The following SLC25A21 variants were observed in gnomAD, a reference collection of about 807,000 sequenced individuals.
SLC25A21 encodes the protein solute carrier family 25 member 21, also known as mitochondrial 2-oxodicarboxylate carrier.
In SLC25A21, 47 loss-of-function variants were observed where a neutral mutation model predicts 43.8. That is an observed-to-expected ratio of 1.07 (90% CI 0.85 to 1.37). The LOEUF (loss-of-function observed/expected upper bound fraction) is 1.37, where lower values mean the gene tolerates loss of function less well. Ranked by LOEUF, SLC25A21 falls within the 40% of genes most tolerant of loss-of-function variation. SLC25A21 has a pLI of 0.00. For synonymous variants in SLC25A21, 131 were observed against 121.3 expected (o/e 1.08, Z -0.52); for missense variants, 352 against 350.2 (o/e 1.00, Z -0.04).
intron 3 of SLC25A21, among the ~76,000 whole-genome samples, chr14:36,756,502 G>A (rs1038957223): frequency 6.6e-6 from 1 of 152,224 alleles, no homozygotes; most frequent in Admixed American, 6.5e-5. Context: ...CTGTGGGAGA[G>A]GGTCTCACTC....
At chr14:37,078,434 C>T (rs186950392) in intron 1 of SLC25A21, among the ~76,000 whole-genome samples, 2 of 152,204 alleles carry the variant, frequency 1.3e-5, no homozygotes, top group Admixed American at 6.5e-5. Flanking sequence ...AGGTCCACCA[C>T]ATGGTGGACC....
intron 2 of SLC25A21, among the ~76,000 whole-genome samples, chr14:36,865,592 A>G (rs958946641): frequency 6.6e-6 from 1 of 151,882 alleles, no homozygotes. Context: ...AAGGTTCAAC[A>G]CTTAAGAAAA....
At chr14:36,929,107 T>C (rs1189720681) in intron 1 of SLC25A21, among the ~76,000 whole-genome samples, 2 of 152,158 alleles carry the variant, frequency 1.3e-5, no homozygotes, top group African/African-American at 4.8e-5. Context: ...ACTAGTAATT[T>C]CATAACTAAT....
intron 3 of SLC25A21, among the ~76,000 whole-genome samples, chr14:36,789,974 TA>T (rs1887424500): frequency 7.6e-6 from 1 of 132,166 alleles, no homozygotes; most frequent in African/African-American, 2.9e-5. Flanking sequence ...ATGTATATAT[TA>T]AAAATATATA....
intron 1 of SLC25A21, among the ~76,000 whole-genome samples, chr14:36,891,024 T>C (rs1311286506): frequency 1.3e-5 from 2 of 152,212 alleles, no homozygotes; most frequent in Non-Finnish European, 2.9e-5. Flanking sequence ...TAATCGACAG[T>C]ATTAAGTCCT....
chr14:36,851,916 A>C (rs1461146541), intron 2 of SLC25A21, among the ~76,000 whole-genome samples: 1 of 152,162 alleles, frequency 6.6e-6, no homozygotes, highest in Non-Finnish European at 1.5e-5. Flanking sequence ...AGCTACTTTA[A>C]GGAGGTTTTT....
intron 1 of SLC25A21, among the ~76,000 whole-genome samples, chr14:37,120,173 C>G (rs974999344): frequency 3.9e-5 from 6 of 152,068 alleles, no homozygotes; most frequent in Admixed American, 6.6e-5. Flanking sequence ...TGAAATCAGG[C>G]TCAGGAGAAG....
At chr14:37,150,999 AATATTAGCAC>A (rs2138934019) in intron 1 of SLC25A21, among the ~76,000 whole-genome samples, 1 of 152,162 alleles carries the variant, frequency 6.6e-6, no homozygotes, top group East Asian at 1.9e-4. Context: ...CTTTTCAAGA[AATATTAGCAC>A]ATTGGTAGGT....
chr14:36,731,163 C>T (rs1339298153), intron 4 of SLC25A21, among the ~76,000 whole-genome samples: 1 of 152,126 alleles, frequency 6.6e-6, no homozygotes, highest in Admixed American at 6.5e-5. Flanking sequence ...TTAGTAGAGA[C>T]GGGGTTTCCC....
intron 1 of SLC25A21, among the ~76,000 whole-genome samples, chr14:36,917,205 C>T (rs2138619311): frequency 6.6e-6 from 1 of 152,196 alleles, no homozygotes; most frequent in African/African-American, 2.4e-5. Flanking sequence ...CAAACACTTA[C>T]CCATAGAAGA....
At chr14:36,713,496 T>C (rs1217993439) in intron 6 of SLC25A21, among the ~76,000 whole-genome samples, 1 of 152,220 alleles carries the variant, frequency 6.6e-6, no homozygotes, top group Non-Finnish European at 1.5e-5. Context: ...AAGTGCTTTG[T>C]TGAGTTCGGA....
Position 36,921,021 on chromosome 14 carries a change from T to G in SLC25A21, c.71-46017A>C, listed in dbSNP as rs1019510554. ...TACACTGATAACTATTGATTCATGA[T>G]TTACAATCAATCATATGGGAGGGTG... On this transcript the variant is annotated intron_variant, in intron 1 of 9. Coordinates refer to ENST00000331299, the MANE Select transcript of SLC25A21 (RefSeq NM_030631.4). Among the ~76,000 whole-genome samples, 3 of 152,154 alleles carry G rather than the reference T, an allele frequency of 2.0e-5. No individual in the cohort carries two copies. In the East Asian group the frequency reaches 5.8e-4, roughly 29 times the overall value.
chr14:37,111,452 G>C (rs1404492906), intron 1 of SLC25A21, among the ~76,000 whole-genome samples: 1 of 152,128 alleles, frequency 6.6e-6, no homozygotes, highest in African/African-American at 2.4e-5. Flanking sequence ...GAAAAATAAA[G>C]GGGGAAGGAA....
Position 36,680,592 on chromosome 14 carries a change from CTCT to C in SLC25A21, c.*63_*65del, listed in dbSNP as rs1882194820. ...TATACACCTGGCCGATCGATAGTCT[CTCT>C]TCTTCATGGTGCTGCATAGCAAATA... On this transcript the variant is annotated 3_prime_UTR_variant, in exon 10 of 10. Coordinates refer to ENST00000331299, the MANE Select transcript of SLC25A21 (RefSeq NM_030631.4). 4 of 1,562,658 alleles carry C rather than the reference CTCT, an allele frequency of 2.6e-6. No individual in the cohort carries two copies. Among genetic ancestry groups the C allele is most frequent in the Non-Finnish European group, 3.5e-6 (4 of 1,154,736 alleles).
At chr14:36,800,504 T>C (rs559142922) in intron 3 of SLC25A21, among the ~76,000 whole-genome samples, 1 of 152,290 alleles carries the variant, frequency 6.6e-6, no homozygotes, top group African/African-American at 2.4e-5. Flanking sequence ...TATTGTATGA[T>C]TCCACTTACA....
chr14:37,023,289 C>T (rs1386453667), intron 1 of SLC25A21, among the ~76,000 whole-genome samples: 1 of 151,956 alleles, frequency 6.6e-6, no homozygotes, highest in African/African-American at 2.4e-5. Context: ...CTCTGTGCTG[C>T]CAGGAAACTT....
In SLC25A21 at chr14:37,142,666, G is replaced by A. The variant is rs149212702; in HGVS notation, c.70+29615C>T. On this transcript the variant is annotated intron_variant, in intron 1 of 9. Coordinates refer to ENST00000331299, the MANE Select transcript of SLC25A21 (RefSeq NM_030631.4). Reference sequence around the variant, plus strand: ...GATGGGCCTAAAAGATTTTTTTAACGGGGCAAGTCATAGTGTTCATGAATA... The same window carrying A: ...GATGGGCCTAAAAGATTTTTTTAACAGGGCAAGTCATAGTGTTCATGAATA... Among the ~76,000 whole-genome samples, 536 of 152,248 alleles carry A rather than the reference G, an allele frequency of 3.5e-3. 2 individuals are homozygous for A. Among genetic ancestry groups the A allele is most frequent in the African/African-American group, 0.011 (445 of 41,540 alleles).
At chr14:37,157,174 T>C (rs1391173800) in intron 1 of SLC25A21, among the ~76,000 whole-genome samples, 2 of 152,012 alleles carry the variant, frequency 1.3e-5, no homozygotes, top group Admixed American at 6.6e-5. Flanking sequence ...CTGGCCAACA[T>C]GGGGAAACAC....
intron 1 of SLC25A21, among the ~76,000 whole-genome samples, chr14:37,064,489 C>G (rs1962019137): frequency 6.6e-6 from 1 of 152,094 alleles, no homozygotes; most frequent in Admixed American, 6.5e-5. Context: ...CACCATCTAC[C>G]TACTCCAGTT....
Sources: gnomAD v4.1 joint callset for allele counts (sites outside exome capture counted in the v4.1 genomes callset) on GRCh38, gnomAD v4.1.1 for gene constraint, MANE v1.5 for transcripts, NCBI Gene and HGNC (gene_info 2026-07-23, HGNC 2026-07-21) for gene names.